The following DOK6 variants were observed in gnomAD, a reference collection of about 807,000 sequenced individuals.
DOK6 encodes downstream of tyrosine kinase 6.
A neutral mutation model predicts 44.0 loss-of-function variants in DOK6; 22 were observed. The observed-to-expected ratio is 0.50, with a 90% CI of 0.36 to 0.71. The LOEUF is 0.71. Ranked by LOEUF, DOK6 falls within the 30% of genes least tolerant of loss-of-function variation. DOK6 has a pLI of 0.00. For missense variants in DOK6, 340 were observed against 416.4 expected, an observed-to-expected ratio of 0.82 and a Z score of 1.60; for synonymous variants, 166 against 145.5, an observed-to-expected ratio of 1.14 and a Z score of -1.01.
chr18:69,437,449 C>A (rs1028843207), intron 1 of DOK6, among the ~76,000 whole-genome samples: 9 of 151,986 alleles, frequency 5.9e-5, no homozygotes, highest in African/African-American at 1.5e-4. Flanking sequence ...GTCAGGTTTT[C>A]CAAAAATCAG....
intron 1 of DOK6, among the ~76,000 whole-genome samples, chr18:69,512,065 T>G (rs1400350443): frequency 6.6e-6 from 1 of 151,828 alleles, no homozygotes; most frequent in Non-Finnish European, 1.5e-5. Context: ...TTTTTCCTGT[T>G]CATCATCGCC....
chr18:69,439,675 C>T (rs1417878138), intron 1 of DOK6, among the ~76,000 whole-genome samples: 1 of 152,128 alleles, frequency 6.6e-6, no homozygotes, highest in Non-Finnish European at 1.5e-5. Flanking sequence ...CTGTAGCTTC[C>T]TCACCTCTCT....
chr18:69,647,145 C>T (rs1985103489), intron 3 of DOK6, among the ~76,000 whole-genome samples: 1 of 129,454 alleles, frequency 7.7e-6, no homozygotes. Flanking sequence ...TCTATCTACC[C>T]TATCCATCTA....
Position 69,842,576 on chromosome 18 carries a change from G to A in DOK6, c.*1193G>A, listed in dbSNP as rs1418717515. ...GTAATTTACTGTGTAACCAGAACTT[G>A]CAGGGCTTTATTTTTTCTTTTACTG... On this transcript the variant is annotated 3_prime_UTR_variant, in exon 8 of 8. Coordinates refer to ENST00000382713, the MANE Select transcript of DOK6 (RefSeq NM_152721.6). 1 of 152,134 alleles carries A rather than the reference G, an allele frequency of 6.6e-6. No individual in the cohort carries two copies. The highest frequency in any genetic ancestry group is 2.4e-5 in the African/African-American group (1 of 41,430). The allele number at this position is 152,134 out of a possible 1,614,324, so 9.4% of individuals were successfully genotyped here.
chr18:69,626,149 G>T (rs1442433002), intron 3 of DOK6, among the ~76,000 whole-genome samples: 1 of 152,122 alleles, frequency 6.6e-6, no homozygotes, highest in Admixed American at 6.5e-5. Flanking sequence ...CTGTAATCAG[G>T]TAAAGGAAAA....
chr18:69,753,834 T>TTA, intron 6 of DOK6, among the ~76,000 whole-genome samples: 2 of 152,022 alleles, frequency 1.3e-5, no homozygotes, highest in East Asian at 3.9e-4. Flanking sequence ...CTTTTTTTTT[T>TTA]ACTAAGTCCA....
At chr18:69,503,742 C>T (rs1421576076) in intron 1 of DOK6, among the ~76,000 whole-genome samples, 1 of 151,712 alleles carries the variant, frequency 6.6e-6, no homozygotes, top group East Asian at 1.9e-4. Flanking sequence ...ATTTTAATTC[C>T]AGTTACAAAA....
intron 1 of DOK6, among the ~76,000 whole-genome samples, chr18:69,434,489 C>T (rs1186721083): frequency 6.6e-6 from 1 of 152,120 alleles, no homozygotes; most frequent in Non-Finnish European, 1.5e-5. Context: ...GAGATACATA[C>T]ATAAGAAAAT....
In DOK6 at chr18:69,579,646, C is replaced by A. The variant is rs908581908; in HGVS notation, c.174+15052C>A. 2.6e-5 allele frequency among the ~76,000 whole-genome samples: 4 copies of A among 152,116 alleles called. No homozygotes were observed. The South Asian group carries it at 8.3e-4, about 31-fold the overall frequency. On this transcript the variant is annotated intron_variant, in intron 2 of 7. Transcript: ENST00000382713. ...TGGCACGATGTTGGCTCACTGCAAC[C>A]TCCAGCTCCCTCGTTCAAATGATTC...
chr18:69,706,115 G>GTAAC (rs1986628040), intron 5 of DOK6, among the ~76,000 whole-genome samples: 1 of 152,192 alleles, frequency 6.6e-6, no homozygotes, highest in Non-Finnish European at 1.5e-5. Flanking sequence ...GTAACCATTT[G>GTAAC]TGTTGGCTAA....
At chr18:69,497,736 T>G (rs1483252805) in intron 1 of DOK6, among the ~76,000 whole-genome samples, 1 of 152,214 alleles carries the variant, frequency 6.6e-6, no homozygotes. Flanking sequence ...TAGGGAAATT[T>G]AGGTCGCACA....
chr18:69,778,084 C>CTA (rs977303731), intron 7 of DOK6: 1 of 151,200 alleles, frequency 6.6e-6, no homozygotes, highest in Non-Finnish European at 1.5e-5. Flanking sequence ...TGAAAAGAGA[C>CTA]TATAGTAGCT....
At chr18:69,445,820 A>C (rs1426993824) in intron 1 of DOK6, among the ~76,000 whole-genome samples, 3 of 152,168 alleles carry the variant, frequency 2.0e-5, no homozygotes, top group Non-Finnish European at 2.9e-5. Context: ...CAGTAGTCCA[A>C]GGTCACAGTG....
intron 1 of DOK6, among the ~76,000 whole-genome samples, chr18:69,471,938 G>A (rs1159226288): frequency 6.6e-6 from 1 of 152,104 alleles, no homozygotes; most frequent in African/African-American, 2.4e-5. Flanking sequence ...CCCTAGCACA[G>A]TTACTTGCTT....
chr18:69,441,436 A>G (rs1302537736), intron 1 of DOK6, among the ~76,000 whole-genome samples: 2 of 152,172 alleles, frequency 1.3e-5, no homozygotes, highest in Non-Finnish European at 2.9e-5. Context: ...AGAGAAGATA[A>G]ATTTAATACA....
intron 1 of DOK6, among the ~76,000 whole-genome samples, chr18:69,516,378 T>C (rs1281970434): frequency 6.6e-6 from 1 of 152,226 alleles, no homozygotes; most frequent in Non-Finnish European, 1.5e-5. Context: ...CAACCAACTC[T>C]GCCTGAGGGA....
At chr18:69,789,325 C>T (rs1980525530) in intron 7 of DOK6, among the ~76,000 whole-genome samples, 1 of 152,036 alleles carries the variant, frequency 6.6e-6, no homozygotes, top group African/African-American at 2.4e-5. Flanking sequence ...GGACCTTTTA[C>T]TCTTATTTCA....
chr18:69,452,514 C>A (rs1441358305), intron 1 of DOK6, among the ~76,000 whole-genome samples: 1 of 133,262 alleles, frequency 7.5e-6, no homozygotes, highest in African/African-American at 2.9e-5. Context: ...CCTTCTGAAA[C>A]TATTCCAATC....
At chr18:69,772,765 C>A (rs1979926359) in intron 7 of DOK6, among the ~76,000 whole-genome samples, 1 of 151,916 alleles carries the variant, frequency 6.6e-6, no homozygotes, top group Non-Finnish European at 1.5e-5. Context: ...GGATAAGCTT[C>A]AGGCAGTGGT....
Sources: gnomAD v4.1 joint callset for allele counts (sites outside exome capture counted in the v4.1 genomes callset) on GRCh38, gnomAD v4.1.1 for gene constraint, MANE v1.5 for transcripts, NCBI Gene and HGNC (gene_info 2026-07-23, HGNC 2026-07-21) for gene names.